Variants in SV2C observed in about 807,000 individuals in gnomAD.
SV2C encodes the protein solute carrier family 22 member B3.
A neutral mutation model predicts 79.7 loss-of-function variants in SV2C; 49 were observed. That is an observed-to-expected ratio of 0.61 (90% confidence interval 0.49 to 0.78). The LOEUF is 0.78. Ranked by LOEUF, SV2C falls within the 30% of genes least tolerant of loss-of-function variation. SV2C has a pLI of 0.00. For missense variants in SV2C, 833 were observed against 912.9 expected (o/e 0.91, Z 1.13); for synonymous variants, 334 against 333.2 (o/e 1.00, Z -0.03).
At position 76,252,476 on chromosome 5, in the gene SV2C, C is replaced by G. The variant is rs140511811; in HGVS notation, c.914-32686C>G. Among the ~76,000 whole-genome samples the G allele has an allele frequency of 5.2e-3, 785 of 152,348 alleles. 8 individuals are homozygous for G. Among genetic ancestry groups the G allele is most frequent in the African/African-American group, 0.018 (747 of 41,590 alleles). On this transcript the variant is annotated intron_variant, in intron 4 of 12. Coordinates refer to ENST00000502798, the MANE Select transcript of SV2C (RefSeq NM_014979.4). ...AAGAAACTCCACATCCATAAGCACT[C>G]TTTCCTTAAACTGATCTCCCTGAGA... is the stretch of plus-strand genomic sequence containing the variant.
the SV2C span, among the ~76,000 whole-genome samples, chr5:76,068,344 T>A: frequency 6.6e-6 from 1 of 152,204 alleles, no homozygotes; most frequent in Non-Finnish European, 1.5e-5. Flanking sequence ...TTATTATTAA[T>A]GTATTTCCTA....
chr5:76,003,571 G>C, the SV2C span, among the ~76,000 whole-genome samples: 2 of 152,060 alleles, frequency 1.3e-5, no homozygotes, highest in African/African-American at 4.8e-5. Flanking sequence ...TGCTTGTAAG[G>C]CTCAGTAACA....
At chr5:76,065,989 G>A in the SV2C span, among the ~76,000 whole-genome samples, 1 of 152,088 alleles carries the variant, frequency 6.6e-6, no homozygotes, top group African/African-American at 2.4e-5. Flanking sequence ...CCCTCAAATA[G>A]CAGCACCAGT....
At chr5:76,126,473 C>T (rs747014649) in intron 1 of SV2C, among the ~76,000 whole-genome samples, 11 of 152,212 alleles carry the variant, frequency 7.2e-5, no homozygotes, top group Middle Eastern at 6.8e-3. Context: ...TTGGAAAGCT[C>T]CCCTCTCAAC....
At chr5:75,898,274 A>G in the SV2C span, among the ~76,000 whole-genome samples, 1 of 152,176 alleles carries the variant, frequency 6.6e-6, no homozygotes, top group African/African-American at 2.4e-5. Flanking sequence ...AGCTTTTAGC[A>G]TGAAGATTGT....
intron 4 of SV2C, among the ~76,000 whole-genome samples, chr5:76,235,896 A>G (rs1293737845): frequency 6.6e-6 from 1 of 152,128 alleles, no homozygotes; most frequent in Non-Finnish European, 1.5e-5. Context: ...TGGTGATATG[A>G]GTTGTCTTCC....
chr5:76,248,161 C>T (rs1746003150), intron 4 of SV2C, among the ~76,000 whole-genome samples: 1 of 152,202 alleles, frequency 6.6e-6, no homozygotes, highest in African/African-American at 2.4e-5. Flanking sequence ...TCTAGAACCC[C>T]TCAAATGCAT....
intron 12 of SV2C, among the ~76,000 whole-genome samples, chr5:76,305,824 A>C (rs1005563989): frequency 3.9e-5 from 6 of 152,220 alleles, no homozygotes; most frequent in African/African-American, 7.2e-5. Context: ...GCATGGTGAC[A>C]TTCTAGCTTT....
At chr5:75,940,117 C>G in the SV2C span, among the ~76,000 whole-genome samples, 2 of 152,180 alleles carry the variant, frequency 1.3e-5, no homozygotes, top group African/African-American at 4.8e-5. Flanking sequence ...AGTACAAGCA[C>G]TATGCTTAGT....
At chr5:75,874,931 T>C in the SV2C span, among the ~76,000 whole-genome samples, 1,778 of 152,264 alleles carry the variant, frequency 0.012, 30 homozygotes, top group African/African-American at 0.04. Context: ...TGGAAAAACA[T>C]TCCATGCTCA....
intron 4 of SV2C, among the ~76,000 whole-genome samples, chr5:76,256,118 A>C (rs1385501599): frequency 6.6e-6 from 1 of 152,182 alleles, no homozygotes. Flanking sequence ...ACTTTCACCA[A>C]GGCCACTTTG....
chr5:76,283,879 A>G lies in SV2C; in HGVS notation c.914-1283A>G, dbSNP rs140637669. Among the ~76,000 whole-genome samples, 1,016 of 152,328 alleles carry G rather than the reference A, an allele frequency of 6.7e-3. 12 individuals are homozygous for G. The highest frequency in any genetic ancestry group is 0.023 in the African/African-American group (964 of 41,576). ...GCAGGAAAGACTAAGGTGTAACTTC[A>G]GCTCTGTGGCCTTGAGGAAGTTACA... On this transcript the variant is annotated intron_variant, in intron 4 of 12. Coordinates refer to ENST00000502798, the MANE Select transcript of SV2C (RefSeq NM_014979.4).
chr5:76,060,522 G>A, the SV2C span, among the ~76,000 whole-genome samples: 1 of 152,100 alleles, frequency 6.6e-6, no homozygotes, highest in Admixed American at 6.6e-5. Context: ...ACCTCTGCTA[G>A]CTTCAAACTT....
At chr5:75,901,701 C>T in the SV2C span, among the ~76,000 whole-genome samples, 1 of 152,252 alleles carries the variant, frequency 6.6e-6, no homozygotes, top group African/African-American at 2.4e-5. Flanking sequence ...GTGGAGCCTA[C>T]AGAGGCAGGC....
the SV2C span, among the ~76,000 whole-genome samples, chr5:75,932,020 C>A: frequency 6.6e-6 from 1 of 152,178 alleles, no homozygotes; most frequent in Non-Finnish European, 1.5e-5. Flanking sequence ...TATTGTGTTG[C>A]TCACTTCATT....
the SV2C span, among the ~76,000 whole-genome samples, chr5:75,932,919 A>G: frequency 2.0e-5 from 3 of 152,204 alleles, no homozygotes. Context: ...TATTTAATAA[A>G]TGATGACAAT....
the SV2C span, among the ~76,000 whole-genome samples, chr5:75,851,023 C>A: frequency 6.6e-6 from 1 of 152,210 alleles, no homozygotes; most frequent in Non-Finnish European, 1.5e-5. Context: ...CCTACTCCCA[C>A]CAGCCTAACT....
chr5:75,856,615 C>A, the SV2C span, among the ~76,000 whole-genome samples: 1 of 152,090 alleles, frequency 6.6e-6, no homozygotes, highest in Non-Finnish European at 1.5e-5. Context: ...CTATTCAGAT[C>A]TTTAGTTTAT....
chr5:76,345,398 C>T (rs930070639), intron 12 of SV2C, among the ~76,000 whole-genome samples: 2 of 152,202 alleles, frequency 1.3e-5, no homozygotes, highest in East Asian at 1.9e-4. Flanking sequence ...TTCTCCTCTA[C>T]CAGCTTACAG....
Sources: allele counts gnomAD v4.1 joint callset (sites outside exome capture counted in the v4.1 genomes callset), GRCh38; gene constraint gnomAD v4.1.1; transcripts MANE v1.5; gene names NCBI Gene and HGNC (gene_info 2026-07-23, HGNC 2026-07-21).